The following FXYD6 variants were observed in gnomAD, a reference collection of about 807,000 sequenced individuals.
FXYD6 encodes the protein FXYD domain containing ion transport regulator 6, also known as FXYD domain-containing ion transport regulator 6.
FXYD6 carries 7 observed loss-of-function variants against 16.7 expected under a neutral mutation model. The observed-to-expected ratio is 0.42, with a 90% CI of 0.24 to 0.79. The LOEUF is 0.79. Among genes scored for constraint, FXYD6 ranks in the 30% least tolerant of loss-of-function variants. The pLI is 0.28. For synonymous variants in FXYD6, 49 were observed against 43.0 expected, an observed-to-expected ratio of 1.14 and a Z score of -0.54; for missense variants, 111 against 116.2, an observed-to-expected ratio of 0.95 and a Z score of 0.21.
chr11:117,848,725 A>G (rs2056535834), intron 1 of FXYD6, among the ~76,000 whole-genome samples: 1 of 152,200 alleles, frequency 6.6e-6, no homozygotes. Context: ...CACTCTCCAG[A>G]TATCTATTTC....
intron 5 of FXYD6, 45 bp from the exon 6 acceptor site, chr11:117,840,413 C>A (rs1006026765): frequency 1.9e-6 from 3 of 1,613,602 alleles, no homozygotes; most frequent in Middle Eastern, 1.6e-4. Context: ...ATCTCCAGGG[C>A]AGACCCAGAG....
chr11:117,862,679 T>G (rs888094731), intron 1 of FXYD6, among the ~76,000 whole-genome samples: 2 of 152,130 alleles, frequency 1.3e-5, no homozygotes, highest in Admixed American at 6.5e-5. Context: ...AAGGGCCCCT[T>G]CAGGGTATCT....
chr11:117,857,824 GC>G (rs1392977898), intron 1 of FXYD6, among the ~76,000 whole-genome samples: 5 of 152,130 alleles, frequency 3.3e-5, no homozygotes, highest in Admixed American at 6.5e-5. Context: ...CAAAGGACTG[GC>G]CCCGAAGGCT....
At chr11:117,858,689 TTCTTTCTTTC>T (rs1565323569) in intron 1 of FXYD6, among the ~76,000 whole-genome samples, 6 of 77,682 alleles carry the variant, frequency 7.7e-5, no homozygotes, top group African/African-American at 3.4e-4. Flanking sequence ...CTTTCTTTCT[TTCTTTCTTTC>T]TTTCTCTCTC....
intron 1 of FXYD6, chr11:117,844,212 T>C (rs1160976497): frequency 6.6e-6 from 1 of 152,482 alleles, no homozygotes; most frequent in South Asian, 2.1e-4. Flanking sequence ...CAAACCTTGA[T>C]TCAAAAAGCC....
chr11:117,858,697 TTCTTTCTC>T (rs1456611374), intron 1 of FXYD6, among the ~76,000 whole-genome samples: 10 of 56,042 alleles, frequency 1.8e-4, no homozygotes, highest in African/African-American at 6.5e-4. Flanking sequence ...CTTTCTTTCT[TTCTTTCTC>T]TCTCTCTCTC....
chr11:117,869,912 G>C (rs2057098673), intron 1 of FXYD6, among the ~76,000 whole-genome samples: 1 of 152,314 alleles, frequency 6.6e-6, no homozygotes, highest in South Asian at 2.1e-4. Flanking sequence ...GCGGGTCACT[G>C]TCATTCCAAT....
chr11:117,843,717 G>A (rs2134140605), intron 1 of FXYD6: 1 of 152,286 alleles, frequency 6.6e-6, no homozygotes, highest in East Asian at 1.9e-4. Flanking sequence ...CCTCCAGAAA[G>A]GTGGTTTGAT....
At chr11:117,850,388 A>G (rs1165587499) in intron 1 of FXYD6, among the ~76,000 whole-genome samples, 2 of 152,190 alleles carry the variant, frequency 1.3e-5, no homozygotes, top group Non-Finnish European at 2.9e-5. Context: ...AGAATTATGT[A>G]GTGATCCTCC....
At chr11:117,841,749 C>T in intron 4 of FXYD6, 42 bp downstream of exon 4, 1 of 1,610,372 alleles carries the variant, frequency 6.2e-7, no homozygotes, top group Non-Finnish European at 8.5e-7. Flanking sequence ...TTAGCAGCCT[C>T]AGTCATTGCT....
chr11:117,857,260 A>G (rs2056753321), intron 1 of FXYD6, among the ~76,000 whole-genome samples: 1 of 152,208 alleles, frequency 6.6e-6, no homozygotes, highest in Non-Finnish European at 1.5e-5. Flanking sequence ...CGTGATGAGA[A>G]CAGGTCTTTC....
intron 1 of FXYD6, among the ~76,000 whole-genome samples, chr11:117,865,307 G>A (rs11216594): frequency 0.42 from 64,535 of 152,032 alleles, 14,234 homozygotes; most frequent in East Asian, 0.72. Context: ...CAGTACAGTG[G>A]TTCCTTAAAA....
intron 1 of FXYD6, among the ~76,000 whole-genome samples, chr11:117,856,869 G>T (rs11216585): frequency 0.06 from 9,192 of 152,132 alleles, 308 homozygotes; most frequent in African/African-American, 0.081. Flanking sequence ...GTTATTTAGG[G>T]GCAGGGCAGG....
chr11:117,856,553 C>T (rs1054469749), intron 1 of FXYD6, among the ~76,000 whole-genome samples: 19 of 152,238 alleles, frequency 1.2e-4, no homozygotes, highest in African/African-American at 4.1e-4. Flanking sequence ...CAGAACGTCC[C>T]GGAATGGGGC....
chr11:117,842,215 G>C (rs1324790755), intron 2 of FXYD6, 187 bp from the exon 3 acceptor site: 1 of 775,012 alleles, frequency 1.3e-6, no homozygotes, highest in Non-Finnish European at 2.0e-6. Flanking sequence ...GAACCCTAAG[G>C]GCCGAGGTCA....
intron 1 of FXYD6, among the ~76,000 whole-genome samples, chr11:117,858,635 C>CTT: frequency 5.8e-5 from 1 of 17,150 alleles, no homozygotes; most frequent in East Asian, 1.8e-3. Flanking sequence ...TTTCTTTTTT[C>CTT]TTTCTTTCTT....
chr11:117,872,025 C>T lies in FXYD6; in HGVS notation c.-6+4567G>A, dbSNP rs2057148680. Among the ~76,000 whole-genome samples the T allele has an allele frequency of 6.6e-6, 1 of 152,140 alleles. No individual in the cohort carries two copies. The highest frequency in any genetic ancestry group is 1.5e-5 in the Non-Finnish European group (1 of 68,028). On this transcript the variant is annotated intron_variant, in intron 1 of 7. Coordinates refer to ENST00000526014, the MANE Select transcript of FXYD6 (RefSeq NM_022003.4). The surrounding 1 kb of genome is among the most constrained non-coding windows in gnomAD (Gnocchi z 4.9). Reference sequence around the variant, plus strand: ...CACGCTGAGCCTGGAGTGCCTACACCATGTACCTGTGCTTATTAATAGGCA... The same window carrying T: ...CACGCTGAGCCTGGAGTGCCTACACTATGTACCTGTGCTTATTAATAGGCA...
rs144752071 is a variant in FXYD6, at chr11:117,860,756, C to A, written c.-6+15836G>T. On this transcript the variant is annotated intron_variant, in intron 1 of 7. Coordinates refer to ENST00000526014, the MANE Select transcript of FXYD6 (RefSeq NM_022003.4). The stretch of plus-strand genomic sequence containing the variant: ...AGGTTCTTTGTAAACTGTAAAACAC[C>A]CTGATAACAACATGTAACATTCGTA... Among the ~76,000 whole-genome samples the A allele has an allele frequency of 4.1e-4, 63 of 152,278 alleles. 1 individual carries two copies. The highest frequency in any genetic ancestry group is 1.4e-3 in the African/African-American group (60 of 41,546).
chr11:117,849,819 G>C (rs2056562963), intron 1 of FXYD6, among the ~76,000 whole-genome samples: 1 of 152,130 alleles, frequency 6.6e-6, no homozygotes, highest in African/African-American at 2.4e-5. Flanking sequence ...TTACTTTACA[G>C]ATAACATTCA....
Sources: gnomAD v4.1 joint callset for allele counts (sites outside exome capture counted in the v4.1 genomes callset) on GRCh38, gnomAD v4.1.1 for gene constraint, Gnocchi (gnomAD v3.1) non-coding constraint, MANE v1.5 for transcripts, NCBI Gene and HGNC (gene_info 2026-07-23, HGNC 2026-07-21) for gene names.